ACTR3C: variants seen among roughly 807,000 people sequenced by gnomAD.
ACTR3C encodes actin-related protein 3C.
ACTR3C carries 18 observed loss-of-function variants against 26.3 expected under a neutral mutation model. The ratio of observed to expected loss-of-function variants is 0.68; its 90% CI spans 0.47 to 1.01. ACTR3C has a LOEUF of 1.01. ACTR3C is among the 50% of genes least tolerant of loss of function. The pLI is 0.00. For synonymous variants in ACTR3C, 55 were observed against 94.5 expected, an observed-to-expected ratio of 0.58 and a Z score of 2.42; for missense variants, 184 against 250.7, an observed-to-expected ratio of 0.73 and a Z score of 1.80.
chr7:149,994,536 G>T, the ACTR3C span, among the ~76,000 whole-genome samples: 1 of 152,148 alleles, frequency 6.6e-6, no homozygotes, highest in African/African-American at 2.4e-5. Context: ...GGCAGAGGTT[G>T]CAGTGAGCCG....
chr7:149,902,064 G>A, the ACTR3C span, among the ~76,000 whole-genome samples: 1 of 151,952 alleles, frequency 6.6e-6, no homozygotes, highest in Non-Finnish European at 1.5e-5. Flanking sequence ...AGTCATCTGA[G>A]GGCAATCTAA....
the ACTR3C span, among the ~76,000 whole-genome samples, chr7:149,888,823 C>A: frequency 6.6e-6 from 1 of 152,002 alleles, no homozygotes; most frequent in Non-Finnish European, 1.5e-5. Flanking sequence ...GTCTGGCCAA[C>A]GTGGTGAAAC....
the ACTR3C span, among the ~76,000 whole-genome samples, chr7:149,929,001 C>T: frequency 6.6e-6 from 1 of 152,120 alleles, no homozygotes; most frequent in Non-Finnish European, 1.5e-5. Flanking sequence ...ACAACTCCTA[C>T]AGACAATAAA....
chr7:149,993,524 G>A, the ACTR3C span, among the ~76,000 whole-genome samples: 5 of 152,144 alleles, frequency 3.3e-5, no homozygotes, highest in African/African-American at 1.2e-4. Flanking sequence ...TATGGCTGAT[G>A]GAATGGAGTC....
the ACTR3C span, among the ~76,000 whole-genome samples, chr7:150,140,723 A>G: frequency 6.6e-6 from 1 of 152,218 alleles, no homozygotes; most frequent in South Asian, 2.1e-4. Flanking sequence ...CAATAGCTTC[A>G]AAGTGTCAAA....
chr7:150,219,983 C>G, the ACTR3C span, among the ~76,000 whole-genome samples: 2 of 146,672 alleles, frequency 1.4e-5, no homozygotes, highest in Non-Finnish European at 2.9e-5. Flanking sequence ...GTAGGATCTC[C>G]AGCCCCAGGG....
chr7:150,056,625 C>A, the ACTR3C span, among the ~76,000 whole-genome samples: 1 of 151,868 alleles, frequency 6.6e-6, no homozygotes, highest in South Asian at 2.1e-4. Flanking sequence ...TCAGCCTTTT[C>A]CCTCACTCAC....
At chr7:150,209,722 T>TACACACACACACACACACAC in the ACTR3C span, among the ~76,000 whole-genome samples, 3 of 129,216 alleles carry the variant, frequency 2.3e-5, no homozygotes, top group East Asian at 2.3e-4. Context: ...CTACTAAAAA[T>TACACACACACACACACACAC]ACACACACAC....
the ACTR3C span, among the ~76,000 whole-genome samples, chr7:150,155,453 G>C: frequency 6.6e-6 from 1 of 152,192 alleles, no homozygotes; most frequent in Non-Finnish European, 1.5e-5. Flanking sequence ...ACAGGAGAGA[G>C]TCCCACCAAA....
chr7:150,048,387 G>T, the ACTR3C span, among the ~76,000 whole-genome samples: 1 of 152,044 alleles, frequency 6.6e-6, no homozygotes, highest in African/African-American at 2.4e-5. Flanking sequence ...TGGGTGGCAG[G>T]GGTTGGCAGC....
the ACTR3C span, among the ~76,000 whole-genome samples, chr7:150,180,953 A>C: frequency 6.6e-6 from 1 of 151,452 alleles, no homozygotes; most frequent in Non-Finnish European, 1.5e-5. Flanking sequence ...GCAATCCCTC[A>C]TTTACTTACA....
chr7:150,201,507 G>A, the ACTR3C span, among the ~76,000 whole-genome samples: 15 of 151,936 alleles, frequency 9.9e-5, no homozygotes, highest in Admixed American at 3.3e-4. Flanking sequence ...CAGCACTTTG[G>A]GAGGCTGAGG....
At chr7:150,184,579 C>A in the ACTR3C span, among the ~76,000 whole-genome samples, 146,674 of 150,124 alleles carry the variant, frequency 0.98, 71,698 homozygotes, top group East Asian at 1. Context: ...ATTTTTATAC[C>A]GGCAGGACAG....
the ACTR3C span, among the ~76,000 whole-genome samples, chr7:149,942,092 A>G: frequency 2.0e-5 from 3 of 152,160 alleles, no homozygotes; most frequent in Non-Finnish European, 4.4e-5. Flanking sequence ...ACTCCTTCAA[A>G]GGAGATCCTG....
the ACTR3C span, among the ~76,000 whole-genome samples, chr7:149,992,713 G>C: frequency 6.6e-6 from 1 of 152,134 alleles, no homozygotes; most frequent in Non-Finnish European, 1.5e-5. Flanking sequence ...CAACCGTATT[G>C]GTCAGGAATC....
At chr7:150,171,910 C>T in the ACTR3C span, among the ~76,000 whole-genome samples, 1 of 150,784 alleles carries the variant, frequency 6.6e-6, no homozygotes, top group Non-Finnish European at 1.5e-5. Context: ...CTCCTGGATT[C>T]AAGCAGTTCC....
At chr7:150,042,831 C>T in the ACTR3C span, among the ~76,000 whole-genome samples, 20 of 150,550 alleles carry the variant, frequency 1.3e-4, no homozygotes, top group African/African-American at 4.7e-4. Flanking sequence ...GGTTAAAAGT[C>T]CAGCTGCCAT....
chr7:150,098,441 G>A, the ACTR3C span, among the ~76,000 whole-genome samples: 1 of 151,798 alleles, frequency 6.6e-6, no homozygotes, highest in South Asian at 2.1e-4. Context: ...CTCATTGTCC[G>A]TAGGATACAA....
the ACTR3C span, among the ~76,000 whole-genome samples, chr7:150,232,141 T>C: frequency 2.0e-5 from 3 of 152,212 alleles, no homozygotes; most frequent in African/African-American, 7.2e-5. Flanking sequence ...TCCCTTATAA[T>C]TTTTCTTGCT....
Sources: gnomAD v4.1 joint callset for allele counts (sites outside exome capture counted in the v4.1 genomes callset) on GRCh38, gnomAD v4.1.1 for gene constraint, MANE v1.5 for transcripts, NCBI Gene and HGNC (gene_info 2026-07-23, HGNC 2026-07-21) for gene names.